Variants in COTL1 observed in about 807,000 individuals in gnomAD.
COTL1 encodes coactosin-like protein.
In COTL1, 15 loss-of-function variants were observed where a neutral mutation model predicts 16.5. That is an observed-to-expected ratio of 0.91 (90% CI 0.61 to 1.40). The LOEUF (loss-of-function observed/expected upper bound fraction) is 1.40. Among genes scored for constraint, COTL1 ranks in the 40% most tolerant of loss-of-function variants. COTL1 has a pLI of 0.00. For synonymous variants in COTL1, 112 were observed against 85.3 expected, an observed-to-expected ratio of 1.31 and a Z score of -1.73; for missense variants, 220 against 201.5, an observed-to-expected ratio of 1.09 and a Z score of -0.56.
chr16:84,600,671 T>A (rs1356742845), intron 2 of COTL1, among the ~76,000 whole-genome samples: 1 of 152,210 alleles, frequency 6.6e-6, no homozygotes, highest in East Asian at 1.9e-4. Context: ...AGGCACATTG[T>A]TTCTGCATTG....
At chr16:84,594,219 G>A (rs1232977410) in intron 2 of COTL1, among the ~76,000 whole-genome samples, 1 of 149,312 alleles carries the variant, frequency 6.7e-6, no homozygotes, top group Admixed American at 6.7e-5. Flanking sequence ...GTGATTTCAC[G>A]CCTCCCTTAT....
At chr16:84,591,898 G>A (rs1487833003) in intron 2 of COTL1, among the ~76,000 whole-genome samples, 2 of 141,552 alleles carry the variant, frequency 1.4e-5, no homozygotes, top group African/African-American at 2.8e-5. Flanking sequence ...GCGTGCATGT[G>A]TATGTGTGCA....
At chr16:84,573,923 A>C (rs1904392529) in intron 3 of COTL1, among the ~76,000 whole-genome samples, 1 of 152,116 alleles carries the variant, frequency 6.6e-6, no homozygotes, top group Admixed American at 6.6e-5. Flanking sequence ...TGGGAGGTCG[A>C]GAAGGGAGAA....
chr16:84,566,828 T>C lies in COTL1; in HGVS notation c.*17A>G, dbSNP rs1253882024. The C allele has an allele frequency of 6.4e-7, 1 of 1,562,384 alleles. No homozygotes were observed. Among genetic ancestry groups the C allele is most frequent in the Non-Finnish European group, 8.8e-7 (1 of 1,137,128 alleles). ...GGCAGATGACTTTGGCAAGGGGTGG[T>C]GTGGCGGGGGCTGGGGTTACTCCGT... On this transcript the variant is annotated 3_prime_UTR_variant, in exon 4 of 4. Transcript: ENST00000262428.
intron 3 of COTL1, among the ~76,000 whole-genome samples, chr16:84,586,710 A>G (rs1398989962): frequency 6.6e-6 from 1 of 151,886 alleles, no homozygotes; most frequent in Non-Finnish European, 1.5e-5. Flanking sequence ...CAGCCTCCCG[A>G]GTAGCTGGGA....
intron 2 of COTL1, among the ~76,000 whole-genome samples, chr16:84,597,480 C>T (rs1025848320): frequency 2.6e-5 from 4 of 152,178 alleles, no homozygotes; most frequent in Non-Finnish European, 5.9e-5. Context: ...CACCACAGCA[C>T]CCGGGAACTT....
rs1369756445 is a variant in COTL1 at position 84,566,203 on chromosome 16, A to T, written c.*642T>A. Reference sequence around the variant, plus strand: ...ATTTTATCTCTTCTTATTCAGTCTGAGCCGGACCTAACCTTCTCACCACCG... The same window carrying T: ...ATTTTATCTCTTCTTATTCAGTCTGTGCCGGACCTAACCTTCTCACCACCG... On this transcript the variant is annotated 3_prime_UTR_variant, in exon 4 of 4. Transcript: ENST00000262428. 1 of 152,748 alleles carries T rather than the reference A, an allele frequency of 6.5e-6. No homozygotes were observed. Among genetic ancestry groups the T allele is most frequent in the African/African-American group, 2.4e-5 (1 of 41,442 alleles). 9.5% of individuals were successfully genotyped at this position (152,748 alleles called of 1,614,324 possible).
chr16:84,613,154 C>T (rs1905376714), intron 2 of COTL1, among the ~76,000 whole-genome samples: 1 of 152,076 alleles, frequency 6.6e-6, no homozygotes, highest in Admixed American at 6.5e-5. Context: ...CGCCGGCCAC[C>T]ATGCCTGGCT....
intron 3 of COTL1, among the ~76,000 whole-genome samples, chr16:84,583,138 G>A (rs1231037738): frequency 2.0e-5 from 3 of 152,180 alleles, no homozygotes; most frequent in African/African-American, 7.2e-5. Context: ...TCGGGGCTCT[G>A]AGCCCACAGC....
Position 84,566,810 on chromosome 16 carries a change from G to T in COTL1, c.*35C>A. 6.9e-7 allele frequency: 1 copy of T among 1,449,832 alleles called. No individual in the cohort carries two copies. Among genetic ancestry groups the T allele is most frequent in the South Asian group, 1.1e-5 (1 of 87,302 alleles). The allele number at this position is 1,449,832 out of a possible 1,614,324, so 89.8% of individuals were successfully genotyped here. A position where few individuals can be genotyped will look rare whatever the true frequency, so the allele number is the denominator to read the frequency against. On this transcript the variant is annotated 3_prime_UTR_variant, in exon 4 of 4. Coordinates refer to ENST00000262428, the MANE Select transcript of COTL1 (RefSeq NM_021149.5). Reference sequence around the variant, plus strand: ...CCTCTCCCCCGGGGAGCAGGCAGATGACTTTGGCAAGGGGTGGTGTGGCGG... The same window carrying T: ...CCTCTCCCCCGGGGAGCAGGCAGATTACTTTGGCAAGGGGTGGTGTGGCGG...
intron 3 of COTL1, among the ~76,000 whole-genome samples, chr16:84,580,636 G>A (rs1416899498): frequency 2.6e-5 from 4 of 152,032 alleles, no homozygotes; most frequent in African/African-American, 9.7e-5. Context: ...GTGGCCTCCA[G>A]TCCCCCACCA....
At chr16:84,591,778 T>C (rs55806369) in intron 2 of COTL1, among the ~76,000 whole-genome samples, 31,102 of 148,734 alleles carry the variant, frequency 0.21, 3,604 homozygotes, top group African/African-American at 0.32. Context: ...GAGTAGAGAT[T>C]ACGCCACTGT....
chr16:84,586,578 C>CT (rs1457103687), intron 3 of COTL1, among the ~76,000 whole-genome samples: 1 of 152,094 alleles, frequency 6.6e-6, no homozygotes, highest in Non-Finnish European at 1.5e-5. Context: ...CAATGGTAAA[C>CT]TTTATGTTAT....
chr16:84,615,132 G>C (rs112934148), intron 2 of COTL1, among the ~76,000 whole-genome samples: 1 of 152,216 alleles, frequency 6.6e-6, no homozygotes, highest in South Asian at 2.1e-4. Context: ...CGACAGGAAG[G>C]AACAAGCGTT....
In COTL1 at chr16:84,590,460, G is replaced by A. The variant is rs538296940; in HGVS notation, c.161-198C>T. 4.0e-5 allele frequency: 21 copies of A among 525,172 alleles called. No individual in the cohort carries two copies. Among genetic ancestry groups the A allele is most frequent in the African/African-American group, 3.7e-4 (19 of 52,040 alleles). The allele number at this position is 525,172 out of a possible 1,614,324, so 32.5% of individuals were successfully genotyped here. A position where few individuals can be genotyped will look rare whatever the true frequency, so the allele number is the denominator to read the frequency against. The stretch of plus-strand genomic sequence containing the variant: ...CCTTGTCACACTCCCCTGAATCCTG[G>A]CAACAGTGCTGCAGGCTTCATGCCC... On this transcript the variant is annotated intron_variant, in intron 2 of 3. Transcript: ENST00000262428. The surrounding 1 kb of genome is among the most constrained non-coding windows in gnomAD (Gnocchi z 5.5).
rs1904301413 is a variant in COTL1 at position 84,566,924 on chromosome 16, C to T, written c.350G>A (p.Arg117Gln). The change falls in exon 4 of 4, where the codon CGG becomes CAG. Residue 117 changes from arginine (R) to glutamine (Q), a missense_variant. Transcript: ENST00000262428. ...NFAKEFVISD[R>Q]KELEEDFIKS... is the part of the protein sequence containing the mutation. ...GATGAAATCTTCCTCCAGCTCCTTC[C>T]GATCACTGATCACAAACTCCTTAGC... 9 of 1,613,942 alleles carry T rather than the reference C, an allele frequency of 5.6e-6. No homozygotes were observed. The highest frequency in any genetic ancestry group is 2.2e-5 in the East Asian group (1 of 44,878).
rs1266112588 is a variant in COTL1 at position 84,606,067 on chromosome 16, G to A, written c.160+11434C>T. On this transcript the variant is annotated intron_variant, in intron 2 of 3. Transcript: ENST00000262428. The stretch of plus-strand genomic sequence containing the variant: ...GAACTAAAAACAAGATCTATGGCAG[G>A]TTAATTTCAAAATGCACTCATGAAA... Among the ~76,000 whole-genome samples, 8 of 152,254 alleles carry A rather than the reference G, an allele frequency of 5.3e-5. No homozygotes were observed. In the East Asian group the frequency reaches 1.3e-3, roughly 26 times the overall value.
chr16:84,614,885 C>T (rs998967884), intron 2 of COTL1, among the ~76,000 whole-genome samples: 4 of 152,052 alleles, frequency 2.6e-5, no homozygotes, highest in African/African-American at 9.7e-5. Context: ...GCACCTGCCC[C>T]GAGCCAGCCT....
At chr16:84,583,779 T>C (rs2967850) in intron 3 of COTL1, among the ~76,000 whole-genome samples, 25,808 of 151,966 alleles carry the variant, frequency 0.17, 5,207 homozygotes, top group African/African-American at 0.48. Context: ...GCTCAGAAGC[T>C]ATCAGAATAG....
Sources: gnomAD v4.1 joint callset for allele counts (sites outside exome capture counted in the v4.1 genomes callset) on GRCh38, gnomAD v4.1.1 for gene constraint, Gnocchi (gnomAD v3.1) non-coding constraint, MANE v1.5 for transcripts, NCBI Gene and HGNC (gene_info 2026-07-23, HGNC 2026-07-21) for gene names.